Variants in ANKRD40CL observed in about 807,000 individuals in gnomAD.
The protein encoded by ANKRD40CL is putative ANKRD40 C-terminal-like protein.
For synonymous variants in ANKRD40CL, 5 were observed against 2.3 expected, an observed-to-expected ratio of 2.14 and a Z score of -1.04; for missense variants, 11 against 6.4, an observed-to-expected ratio of 1.71 and a Z score of -0.77.
chr17:50,764,020 G>A (rs1971253262), intron 2 of ANKRD40CL: 1 of 396,274 alleles, frequency 2.5e-6, no homozygotes, highest in Non-Finnish European at 4.4e-6. Flanking sequence ...TCCAGAAATA[G>A]GATAATTCTA....
intron 1 of ANKRD40CL, 143 bp from the exon 2 acceptor site, chr17:50,767,154 G>C (rs1195123083): frequency 4.5e-6 from 3 of 664,346 alleles, no homozygotes; most frequent in Non-Finnish European, 8.3e-6. Flanking sequence ...ACTGAAGTAA[G>C]GCTCCAGACT....
intron 2 of ANKRD40CL, chr17:50,764,665 G>T (rs1971265464): frequency 6.4e-6 from 1 of 155,606 alleles, no homozygotes; most frequent in Non-Finnish European, 1.4e-5. Context: ...AGAGTGCTTT[G>T]CATATGCCAG....
At position 50,761,458 on chromosome 17, in the gene ANKRD40CL, A is replaced by C. The variant is rs1468668211; in HGVS notation, c.250T>G (p.Leu84Val). 2.5e-6 allele frequency: 1 copy of C among 398,926 alleles called. No homozygotes were observed. Among genetic ancestry groups the C allele is most frequent in the Non-Finnish European group, 4.4e-6 (1 of 226,064 alleles). The allele number at this position is 398,926 out of a possible 1,614,324, so 24.7% of individuals were successfully genotyped here. A position where few individuals can be genotyped will look rare whatever the true frequency, so the allele number is the denominator to read the frequency against. Residue 84 changes from leucine (L) to valine (V), a missense_variant, in exon 4 of 4, where the codon TTA (leucine) becomes GTA (valine). Coordinates refer to ENST00000450727, the MANE Select transcript of ANKRD40CL (RefSeq NM_001358683.3). ...LRDFQEVELI[L>V]MKNGSSRLTE... ...AATCTGGAGCTTCCATTTTTCATTAAAATGAGTTCCACTTCCTGAAAGTCC... is the reference window on the plus strand; with the variant it reads ...AATCTGGAGCTTCCATTTTTCATTACAATGAGTTCCACTTCCTGAAAGTCC...
At chr17:50,763,675 T>A (rs929987884) in intron 2 of ANKRD40CL, 118 bp from the exon 3 acceptor site, 1 of 397,626 alleles carries the variant, frequency 2.5e-6, no homozygotes, top group Non-Finnish European at 4.4e-6. Context: ...AAAAACTGAA[T>A]GTTAAGTAGA....
rs145386597 is a variant in ANKRD40CL at position 50,765,397 on chromosome 17, A to C, written c.40+1477T>G. On this transcript the variant is annotated intron_variant, in intron 2 of 3. Transcript: ENST00000450727. Reference sequence around the variant, plus strand: ...CAAGCCATTCTGGTTTTTAGCAGAGAGCTGTCATAATCAGACTTGCATTCT... The same window carrying C: ...CAAGCCATTCTGGTTTTTAGCAGAGCGCTGTCATAATCAGACTTGCATTCT... 4.7e-3 allele frequency among the ~76,000 whole-genome samples: 713 copies of C among 152,282 alleles called. 9 individuals are homozygous for C. The highest frequency in any genetic ancestry group is 0.016 in the African/African-American group (659 of 41,552).
At chr17:50,766,395 G>A (rs1971317063) in intron 2 of ANKRD40CL, among the ~76,000 whole-genome samples, 2 of 152,208 alleles carry the variant, frequency 1.3e-5, no homozygotes, top group African/African-American at 2.4e-5. Flanking sequence ...TGTCCACTAC[G>A]TTTGAAAGCA....
At chr17:50,765,344 G>A (rs1281792088) in intron 2 of ANKRD40CL, among the ~76,000 whole-genome samples, 6 of 152,118 alleles carry the variant, frequency 3.9e-5, no homozygotes, top group African/African-American at 9.7e-5. Flanking sequence ...CTAGATGAAA[G>A]GTTTTGGTCT....
At chr17:50,766,729 T>G in intron 2 of ANKRD40CL, 145 bp downstream of exon 2, 3 of 562,254 alleles carry the variant, frequency 5.3e-6, no homozygotes, top group South Asian at 5.1e-5. Context: ...TTGGTCTAGT[T>G]GCTCTGCTCT....
chr17:50,763,775 A>G (rs931356762), intron 2 of ANKRD40CL: 4 of 386,414 alleles, frequency 1.0e-5, no homozygotes, highest in Non-Finnish European at 1.8e-5. Context: ...GTATGCCCCC[A>G]TTATATCCAC....
chr17:50,766,876 G>T lies in ANKRD40CL; in HGVS notation c.38C>A (p.Ala13Glu), dbSNP rs1266370243. The change falls in exon 2 of 4, where the codon GCA becomes GAA. Residue 13 changes from alanine (A) to glutamate (E), a missense_variant and splice_region_variant. By Grantham distance (107) the Ala-to-Glu change is moderately radical (BLOSUM62 -1). Transcript: ENST00000450727. ...GGGAACAGGACTCCCAGACTCACCT[G>T]CTGGCTTCTCCCCGATGTCCTGTTC... is the stretch of plus-strand genomic sequence containing the variant. ...EPEQDIGEKPAVRIQNPKEND... is the reference protein window; with the variant it reads ...EPEQDIGEKPEVRIQNPKEND... The T allele has an allele frequency of 3.9e-5, 26 of 660,828 alleles. No homozygotes were observed. The highest frequency in any genetic ancestry group is 6.9e-5 in the Non-Finnish European group (25 of 363,620). The allele number at this position is 660,828 out of a possible 1,614,324, so 40.9% of individuals were successfully genotyped here. A position where few individuals can be genotyped will look rare whatever the true frequency, so the allele number is the denominator to read the frequency against.
In ANKRD40CL at chr17:50,763,440, C is replaced by T. The variant is rs932854503; in HGVS notation, c.158G>A (p.Arg53Gln). 1.3e-5 allele frequency: 5 copies of T among 398,968 alleles called. No homozygotes were observed. The highest frequency in any genetic ancestry group is 3.6e-5 in the East Asian group (1 of 28,094). The allele number at this position is 398,968 out of a possible 1,614,324, so 24.7% of individuals were successfully genotyped here. A position where few individuals can be genotyped will look rare whatever the true frequency, so the allele number is the denominator to read the frequency against. The change falls in exon 3 of 4, where the codon CGA (arginine) becomes CAA (glutamine). Residue 53 changes from arginine to glutamine, a missense_variant. Physicochemically the swap from Arg to Gln is conservative, Grantham distance 43. Coordinates refer to ENST00000450727, the MANE Select transcript of ANKRD40CL (RefSeq NM_001358683.3). ...TGGTAGCTTTCTGATCTTCTCCACTCGTTCTGGTTTAATCCCCAGTTCACA... is the reference window on the plus strand; with the variant it reads ...TGGTAGCTTTCTGATCTTCTCCACTTGTTCTGGTTTAATCCCCAGTTCACA... ...SCCELGIKPE[R>Q]VEKIRKLPNT...
intron 2 of ANKRD40CL, 126 bp downstream of exon 2, chr17:50,766,748 C>T: frequency 1.7e-6 from 1 of 585,392 alleles, no homozygotes; most frequent in South Asian, 2.2e-5. Context: ...CTTCACTACC[C>T]CACTGGCAGA....
At chr17:50,762,074 T>TA (rs1451902743) in intron 3 of ANKRD40CL, among the ~76,000 whole-genome samples, 1 of 151,488 alleles carries the variant, frequency 6.6e-6, no homozygotes, top group Non-Finnish European at 1.5e-5. Flanking sequence ...CCAAGTCTAC[T>TA]ACACCCAGCT....
rs1273519871 is a variant in ANKRD40CL, at chr17:50,761,509, T to C, written c.202-3A>G. On this transcript the variant is annotated splice_region_variant and splice_polypyrimidine_tract_variant and intron_variant, in intron 3 of 3. Transcript: ENST00000450727. ...CGCAGTCTTCGAATGTCTTTGTCCT[T>C]AATGTAGAAAAGAAATTATATTATG... 1 of 398,718 alleles carries C rather than the reference T, an allele frequency of 2.5e-6. No homozygotes were observed. Among genetic ancestry groups the C allele is most frequent in the Non-Finnish European group, 4.4e-6 (1 of 225,962 alleles). 24.7% of individuals were successfully genotyped at this position (398,718 alleles called of 1,614,324 possible).
At chr17:50,762,801 G>A (rs1971224511) in intron 3 of ANKRD40CL, 1 of 151,362 alleles carries the variant, frequency 6.6e-6, no homozygotes, top group African/African-American at 2.4e-5. Flanking sequence ...TTTTCCTGAG[G>A]ACTATGCCAT....
At chr17:50,763,181 G>A (rs921485092) in intron 3 of ANKRD40CL, 1 of 368,152 alleles carries the variant, frequency 2.7e-6, no homozygotes, top group Non-Finnish European at 4.8e-6. Context: ...ACTGGTGTGA[G>A]CCACCGTGAT....
At chr17:50,761,941 ATT>A (rs111617978) in intron 3 of ANKRD40CL, among the ~76,000 whole-genome samples, 1 of 146,532 alleles carries the variant, frequency 6.8e-6, no homozygotes. Flanking sequence ...ATAGTTCTGT[ATT>A]TTTTTTTTTG....
At chr17:50,765,213 A>G (rs553648812) in intron 2 of ANKRD40CL, among the ~76,000 whole-genome samples, 14 of 152,404 alleles carry the variant, frequency 9.2e-5, no homozygotes, top group African/African-American at 3.4e-4. Context: ...TGATTTGCAT[A>G]TAGCGGGCAA....
intron 1 of ANKRD40CL, 30 bp from the exon 2 acceptor site, chr17:50,767,041 A>C: frequency 1.4e-6 from 1 of 695,084 alleles, no homozygotes. Context: ...TGTTCTTGCC[A>C]GCCCAGTGAG....
Sources: gnomAD v4.1 joint callset for allele counts (sites outside exome capture counted in the v4.1 genomes callset) on GRCh38, gnomAD v4.1.1 for gene constraint, MANE v1.5 for transcripts, NCBI Gene and HGNC (gene_info 2026-07-23, HGNC 2026-07-21) for gene names.